Variants in GRM7 observed in about 807,000 individuals in gnomAD.
GRM7 encodes glutamate metabotropic receptor 7.
Under a neutral mutation model 84.5 loss-of-function variants are expected in GRM7, and 35 were observed. The ratio of observed to expected loss-of-function variants is 0.41; its 90% CI spans 0.32 to 0.55. The LOEUF is 0.55. Among genes scored for constraint, GRM7 ranks in the 20% least tolerant of loss-of-function variants. The probability of loss-of-function intolerance (pLI) is 0.19; values close to 1 mark genes in which losing one functional copy is unlikely to be tolerated. For synonymous variants in GRM7, 487 were observed against 455.1 expected (o/e 1.07, Z -0.89); for missense variants, 1,003 against 1,194.6 (o/e 0.84, Z 2.36).
intron 1 of GRM7, among the ~76,000 whole-genome samples, chr3:6,876,437 GT>G (rs1381496932): frequency 1.3e-5 from 2 of 152,022 alleles, no homozygotes; most frequent in Non-Finnish European, 2.9e-5. Flanking sequence ...TTTCATCCAA[GT>G]TTTTTGAGAG....
intron 2 of GRM7, among the ~76,000 whole-genome samples, chr3:7,268,854 AAGTGCTGTTTT>A: frequency 1.3e-5 from 2 of 152,184 alleles, no homozygotes; most frequent in African/African-American, 4.8e-5. Context: ...CTTCAGCATG[AAGTGCTGTTTT>A]GGTTTGATTT....
chr3:7,372,244 T>C (rs930418444), intron 4 of GRM7, among the ~76,000 whole-genome samples: 5 of 152,172 alleles, frequency 3.3e-5, no homozygotes, highest in East Asian at 3.8e-4. Flanking sequence ...TGTTGAGTTT[T>C]AGATGTTAGC....
chr3:6,927,465 GAA>G (rs63252061), intron 1 of GRM7, among the ~76,000 whole-genome samples: 18,166 of 112,088 alleles, frequency 0.16, 1,319 homozygotes, highest in African/African-American at 0.18. Context: ...AAGAGAGAGA[GAA>G]AGAAAGAAAG....
At chr3:7,016,760 A>G (rs556319193) in intron 1 of GRM7, among the ~76,000 whole-genome samples, 1 of 152,308 alleles carries the variant, frequency 6.6e-6, no homozygotes, top group African/African-American at 2.4e-5. Flanking sequence ...TATGTGACGT[A>G]TTCATTTTAA....
intron 9 of GRM7, among the ~76,000 whole-genome samples, chr3:7,706,035 C>A (rs1220950089): frequency 1.3e-5 from 2 of 152,078 alleles, no homozygotes; most frequent in African/African-American, 2.4e-5. Flanking sequence ...GACAATGTAT[C>A]AGAGGTAAAA....
chr3:7,661,822 G>GAAAAAA (rs1699466009), intron 8 of GRM7, among the ~76,000 whole-genome samples: 3 of 53,298 alleles, frequency 5.6e-5, no homozygotes, highest in Non-Finnish European at 1.4e-4. Flanking sequence ...AAAAAAAAAT[G>GAAAAAA]TAAAATGCTA....
At chr3:7,470,306 A>C (rs1221519934) in intron 7 of GRM7, among the ~76,000 whole-genome samples, 1 of 152,234 alleles carries the variant, frequency 6.6e-6, no homozygotes, top group South Asian at 2.1e-4. Context: ...TAATATCCCA[A>C]AACATTCCAT....
At chr3:7,187,845 C>T (rs1432048758) in intron 2 of GRM7, among the ~76,000 whole-genome samples, 2 of 152,084 alleles carry the variant, frequency 1.3e-5, no homozygotes, top group African/African-American at 4.8e-5. Flanking sequence ...TTCTTCCTTC[C>T]CAGCCCTGTT....
intron 8 of GRM7, among the ~76,000 whole-genome samples, chr3:7,587,912 C>T (rs1695592125): frequency 6.6e-6 from 1 of 152,062 alleles, no homozygotes; most frequent in African/African-American, 2.4e-5. Context: ...GGCCAGTGAA[C>T]CCCTTATACC....
At chr3:7,539,670 G>C (rs1344878112) in intron 7 of GRM7, among the ~76,000 whole-genome samples, 1 of 86,904 alleles carries the variant, frequency 1.2e-5, no homozygotes, top group African/African-American at 5.8e-5. Context: ...GCAAGACTCT[G>C]TCTCAAAAAA....
chr3:6,970,708 A>AGT (rs200533494), intron 1 of GRM7, among the ~76,000 whole-genome samples: 2,409 of 152,274 alleles, frequency 0.016, 29 homozygotes, highest in South Asian at 0.029. Context: ...GGCCAGGCGC[A>AGT]GTGGCTCACG....
chr3:7,109,315 A>C (rs2125031638), intron 1 of GRM7, among the ~76,000 whole-genome samples: 1 of 152,270 alleles, frequency 6.6e-6, no homozygotes, highest in Middle Eastern at 3.4e-3. Flanking sequence ...AGAAGCCAAA[A>C]GATTAGTCTT....
At chr3:7,698,806 C>T (rs545251138) in intron 9 of GRM7, among the ~76,000 whole-genome samples, 5 of 152,142 alleles carry the variant, frequency 3.3e-5, no homozygotes, top group Non-Finnish European at 7.4e-5. Flanking sequence ...TACCCCCGGG[C>T]TACTACATGA....
Position 7,578,749 on chromosome 3 carries a change from T to C in GRM7, c.1843T>C (p.Tyr615His), listed in dbSNP as rs771182764. ...CTTTGTCATGGCCACTTTCATCCGC[T>C]ACAATGACACGCCCATTGTCCGGGC... ...TIFVMATFIR[Y>H]NDTPIVRASG... is the part of the protein sequence containing the mutation. The change falls in exon 8 of 10, where the codon TAC becomes CAC. Residue 615 changes from tyrosine to histidine, a missense_variant. Tyr to His is a moderately conservative substitution (Grantham distance 83, BLOSUM62 2). Transcript: ENST00000357716. The C allele has an allele frequency of 1.9e-6, 3 of 1,613,928 alleles. No individual in the cohort carries two copies. Among genetic ancestry groups the C allele is most frequent in the South Asian group, 2.2e-5 (2 of 91,086 alleles).
chr3:7,607,059 C>G (rs1011558855), intron 8 of GRM7: 2 of 152,124 alleles, frequency 1.3e-5, no homozygotes, highest in African/African-American at 4.8e-5. Context: ...CAGATTCAGG[C>G]ATTATAAAAA....
chr3:7,337,533 C>T (rs1279090292), intron 4 of GRM7, among the ~76,000 whole-genome samples: 1 of 151,794 alleles, frequency 6.6e-6, no homozygotes, highest in Non-Finnish European at 1.5e-5. Context: ...GGACTAATAT[C>T]CAAAAATCTA....
intron 4 of GRM7, among the ~76,000 whole-genome samples, chr3:7,387,002 C>T (rs1320926535): frequency 6.6e-6 from 1 of 152,052 alleles, no homozygotes. Context: ...TTTTTATTTG[C>T]ATTTATCTAA....
chr3:7,507,974 C>T (rs1377624314), intron 7 of GRM7, among the ~76,000 whole-genome samples: 1 of 152,156 alleles, frequency 6.6e-6, no homozygotes, highest in Non-Finnish European at 1.5e-5. Context: ...TCTATGCTTA[C>T]TCCAAGAATA....
At chr3:7,402,528 T>C (rs560609410) in intron 4 of GRM7, among the ~76,000 whole-genome samples, 61 of 152,292 alleles carry the variant, frequency 4.0e-4, no homozygotes, top group South Asian at 1.4e-3. Flanking sequence ...TTTACACTTC[T>C]GCACATATGA....
Sources: allele counts gnomAD v4.1 joint callset (sites outside exome capture counted in the v4.1 genomes callset), GRCh38; gene constraint gnomAD v4.1.1; transcripts MANE v1.5; gene names NCBI Gene and HGNC (gene_info 2026-07-23, HGNC 2026-07-21).